The following INSL6 variants were observed in gnomAD, a reference collection of about 807,000 sequenced individuals.
INSL6 encodes insulin like 6, also known as insulin-like peptide INSL6.
A neutral mutation model predicts 9.4 loss-of-function variants in INSL6; 16 were observed. The observed-to-expected ratio is 1.70, with a 90% confidence interval of 1.15 to 2.59. The LOEUF (loss-of-function observed/expected upper bound fraction) is 2.59, where lower values mean the gene tolerates loss of function less well. Among genes scored for constraint, INSL6 ranks in the 30% most tolerant of loss-of-function variants. INSL6 has a pLI of 0.00. For missense variants in INSL6, 391 were observed against 257.3 expected, an observed-to-expected ratio of 1.52 and a Z score of -3.56; for synonymous variants, 154 against 96.9, an observed-to-expected ratio of 1.59 and a Z score of -3.46.
chr9:5,013,805 G>A, the INSL6 span, among the ~76,000 whole-genome samples: 1 of 152,112 alleles, frequency 6.6e-6, no homozygotes, highest in African/African-American at 2.4e-5. Flanking sequence ...CTTAGATGAT[G>A]TGTAATTTAC....
At chr9:5,072,659 T>G in the INSL6 span, 1 of 1,509,328 alleles carries the variant, frequency 6.6e-7, no homozygotes, top group Non-Finnish European at 8.9e-7. Flanking sequence ...TCATGTAGTT[T>G]ATGCTGTTTA....
chr9:5,139,692 C>G (rs1045927292), intron 2 of INSL6, among the ~76,000 whole-genome samples: 6 of 152,042 alleles, frequency 3.9e-5, no homozygotes, highest in Non-Finnish European at 8.8e-5. Flanking sequence ...GAAGCTAAGT[C>G]CAAAGAGGTT....
chr9:5,116,312 A>G, the INSL6 span, among the ~76,000 whole-genome samples: 8 of 152,226 alleles, frequency 5.3e-5, no homozygotes, highest in African/African-American at 1.9e-4. Flanking sequence ...ATAATGCTTT[A>G]ATCTGGCATT....
chr9:5,006,630 C>T, the INSL6 span, among the ~76,000 whole-genome samples: 1 of 152,040 alleles, frequency 6.6e-6, no homozygotes, highest in African/African-American at 2.4e-5. Flanking sequence ...CATACAGCAA[C>T]AGGAAAGAGA....
intron 2 of INSL6, among the ~76,000 whole-genome samples, chr9:5,146,102 G>A (rs1824597310): frequency 6.6e-6 from 1 of 152,034 alleles, no homozygotes; most frequent in African/African-American, 2.4e-5. Flanking sequence ...AATCTTTGAG[G>A]TTGTTAACCT....
intron 1 of INSL6, among the ~76,000 whole-genome samples, chr9:5,174,159 C>T (rs990232823): frequency 6.6e-6 from 1 of 152,186 alleles, no homozygotes; most frequent in Non-Finnish European, 1.5e-5. Flanking sequence ...TCACTCTTAC[C>T]AGAAAACTTA....
chr9:5,164,048 T>C lies in INSL6; in HGVS notation c.507A>G (p.Arg169=), dbSNP rs1260559572. The change falls in exon 2 of 2, where the codon AGA becomes AGG. Residue 169 remains arginine, a synonymous_variant. Coordinates refer to ENST00000381641, the MANE Select transcript of INSL6 (RefSeq NM_007179.3). The part of the protein sequence containing the change: ...SNLFWGHHPQ[R]KRRGYSEKCC... ...ACTTTTCTGAATATCCTCTGCGTTT[T>C]CTTTGGGGATGATGCCCCCAAAACA... 1.2e-6 allele frequency: 2 copies of C among 1,613,834 alleles called. No individual in the cohort carries two copies. Among genetic ancestry groups the C allele is most frequent in the Admixed American group, 1.7e-5 (1 of 60,026 alleles).
chr9:5,126,821 T>G (rs777581645), intron 3 of INSL6: 1 of 1,374,952 alleles, frequency 7.3e-7, no homozygotes, highest in Non-Finnish European at 1.0e-6. Flanking sequence ...GAGACCAAAG[T>G]AGATTTACAG....
the INSL6 span, among the ~76,000 whole-genome samples, chr9:5,059,471 C>T: frequency 1.3e-5 from 2 of 151,998 alleles, no homozygotes; most frequent in Non-Finnish European, 2.9e-5. Context: ...TGTTGATGGA[C>T]ATTTGGGTTG....
the INSL6 span, among the ~76,000 whole-genome samples, chr9:4,995,056 A>G: frequency 5.9e-5 from 9 of 152,230 alleles, no homozygotes; most frequent in African/African-American, 2.2e-4. Flanking sequence ...TAGAAATACC[A>G]AGTTATGCTT....
At chr9:5,131,990 C>CTT (rs534338800) in intron 3 of INSL6, 1 of 151,972 alleles carries the variant, frequency 6.6e-6, no homozygotes, top group East Asian at 1.9e-4. Context: ...CATGGTACCA[C>CTT]TTTTTTTTAC....
At chr9:5,172,325 G>A (rs1564053512) in intron 1 of INSL6, among the ~76,000 whole-genome samples, 1 of 152,158 alleles carries the variant, frequency 6.6e-6, no homozygotes, top group Admixed American at 6.5e-5. Flanking sequence ...CTGAATTAAA[G>A]ACTTAACTGT....
chr9:4,998,971 G>T, the INSL6 span, among the ~76,000 whole-genome samples: 1 of 150,446 alleles, frequency 6.6e-6, no homozygotes, highest in African/African-American at 2.5e-5. Context: ...ACAGGTGCCC[G>T]CCACCACGCC....
chr9:5,095,935 A>G, the INSL6 span, among the ~76,000 whole-genome samples: 1 of 152,230 alleles, frequency 6.6e-6, no homozygotes, highest in Non-Finnish European at 1.5e-5. Flanking sequence ...AAACAAATTA[A>G]CATGATTAAC....
At chr9:4,997,797 C>CT in the INSL6 span, among the ~76,000 whole-genome samples, 4 of 152,288 alleles carry the variant, frequency 2.6e-5, no homozygotes, top group East Asian at 7.7e-4. Flanking sequence ...TAGTATAAGT[C>CT]TATCTGATTG....
chr9:5,041,338 AG>A, the INSL6 span: 1 of 675,206 alleles, frequency 1.5e-6, no homozygotes, highest in Non-Finnish European at 2.6e-6. Flanking sequence ...AGAGCTTGAC[AG>A]GTACGGCGTG....
At chr9:5,133,049 AT>A in intron 3 of INSL6, among the ~76,000 whole-genome samples, 1 of 152,122 alleles carries the variant, frequency 6.6e-6, no homozygotes, top group Admixed American at 6.5e-5. Context: ...CTAGGGCATG[AT>A]TTTTTCAGCA....
the INSL6 span, among the ~76,000 whole-genome samples, chr9:5,051,488 G>T: frequency 1.3e-5 from 2 of 152,128 alleles, no homozygotes; most frequent in Middle Eastern, 3.2e-3. Context: ...TTTGGATTCA[G>T]TAAATCTGAG....
At chr9:5,112,890 C>G in the INSL6 span, 1 of 368,902 alleles carries the variant, frequency 2.7e-6, no homozygotes, top group Non-Finnish European at 4.6e-6. Context: ...CCCTCAGCCC[C>G]GTGGGCTGGG....
Sources: allele counts gnomAD v4.1 joint callset (sites outside exome capture counted in the v4.1 genomes callset), GRCh38; gene constraint gnomAD v4.1.1; transcripts MANE v1.5; gene names NCBI Gene and HGNC (gene_info 2026-07-23, HGNC 2026-07-21).